Variants in CPED1 observed in about 807,000 individuals in gnomAD.
CPED1 encodes the protein cadherin like and PC-esterase domain containing 1, also known as cadherin-like and PC-esterase domain-containing protein 1.
CPED1 carries 114 observed loss-of-function variants against 128.2 expected under a neutral mutation model. The observed-to-expected ratio is 0.89, with a 90% CI of 0.76 to 1.04. The LOEUF is 1.04. Ranked by LOEUF, CPED1 falls within the 50% of genes least tolerant of loss-of-function variation. The pLI, the probability that CPED1 is intolerant of heterozygous loss-of-function variation, is 0.00. For synonymous variants in CPED1, 462 were observed against 426.7 expected (o/e 1.08, Z -1.02); for missense variants, 1,211 against 1,207.1 (o/e 1.00, Z -0.05).
intron 2 of CPED1, among the ~76,000 whole-genome samples, chr7:121,013,491 C>G (rs143843179): frequency 2.0e-3 from 307 of 152,282 alleles, no homozygotes; most frequent in African/African-American, 7.1e-3. Flanking sequence ...CACAAACTCA[C>G]AAGCAGTTTT....
In CPED1 at chr7:121,153,346, T is replaced by G. The variant is rs192028748; in HGVS notation, c.2055+11205T>G. ...CAAAACTGCTAAACTCTTCCTCACT[T>G]TTTTGAAATCAGATTTCATTCCAAA... On this transcript the variant is annotated intron_variant, in intron 16 of 22. Coordinates refer to ENST00000310396, the MANE Select transcript of CPED1 (RefSeq NM_024913.5). Among the ~76,000 whole-genome samples the G allele has an allele frequency of 3.9e-5, 6 of 152,346 alleles. 1 individual carries two copies. The highest frequency in any genetic ancestry group is 2.1e-4 in the South Asian group (1 of 4,832).
intron 16 of CPED1, among the ~76,000 whole-genome samples, chr7:121,225,920 G>C (rs1255630256): frequency 6.6e-6 from 1 of 151,988 alleles, no homozygotes. Context: ...TGATGGGTTT[G>C]AACATGCTCC....
intron 16 of CPED1, among the ~76,000 whole-genome samples, chr7:121,207,436 C>G (rs1056363029): frequency 2.0e-5 from 3 of 152,002 alleles, no homozygotes; most frequent in African/African-American, 4.8e-5. Flanking sequence ...CATCCCAGTC[C>G]TGTGACTCAG....
In CPED1 at chr7:121,152,354, T is replaced by G. The variant is rs1346884780; in HGVS notation, c.2055+10213T>G. 1.3e-5 allele frequency among the ~76,000 whole-genome samples: 2 copies of G among 152,228 alleles called. 1 individual carries two copies. The highest frequency in any genetic ancestry group is 1.3e-4 in the Admixed American group (2 of 15,272). On this transcript the variant is annotated intron_variant, in intron 16 of 22. Coordinates refer to ENST00000310396, the MANE Select transcript of CPED1 (RefSeq NM_024913.5). ...CTGACAAATTATTTTAAAATTAAAT[T>G]CTTGATAAAGTTAAGAGACCCAGCT...
chr7:121,127,296 G>T, intron 10 of CPED1, 39 bp downstream of exon 10: 1 of 1,308,440 alleles, frequency 7.6e-7, no homozygotes, highest in Non-Finnish European at 1.1e-6. Context: ...ATTTTTTCAA[G>T]TCATTCCTTA....
chr7:121,075,618 A>G (rs1794104612), intron 5 of CPED1, among the ~76,000 whole-genome samples: 1 of 152,072 alleles, frequency 6.6e-6, no homozygotes. Context: ...ATGTGCTGCC[A>G]TGCCCGGCTA....
At position 121,043,586 on chromosome 7, in the gene CPED1, C is replaced by T. The variant is rs193190861; in HGVS notation, c.434-3301C>T. 3.4e-4 allele frequency among the ~76,000 whole-genome samples: 52 copies of T among 152,226 alleles called. No individual in the cohort carries two copies. The Middle Eastern group carries it at 0.014, about 40-fold the overall frequency. On this transcript the variant is annotated intron_variant, in intron 3 of 22. Transcript: ENST00000310396. ...ATGGCCAACTCATGGAAACCTGGAA[C>T]ACTCTATTTTATGCCAGGTCTAGGA...
At chr7:121,060,169 T>G (rs1031480345) in intron 4 of CPED1, among the ~76,000 whole-genome samples, 1 of 152,210 alleles carries the variant, frequency 6.6e-6, no homozygotes, top group African/African-American at 2.4e-5. Flanking sequence ...CCAGTGGCGC[T>G]GTGCTCGATT....
intron 16 of CPED1, among the ~76,000 whole-genome samples, chr7:121,154,761 G>A (rs923756939): frequency 6.6e-6 from 1 of 152,102 alleles, no homozygotes; most frequent in African/African-American, 2.4e-5. Context: ...GGCCAGGATG[G>A]TCTCGATCTC....
chr7:121,010,542 C>A (rs573015536), intron 2 of CPED1, among the ~76,000 whole-genome samples: 1 of 152,312 alleles, frequency 6.6e-6, no homozygotes, highest in South Asian at 2.1e-4. Context: ...AGCCACCACG[C>A]CCTGCAGGAA....
intron 18 of CPED1, among the ~76,000 whole-genome samples, chr7:121,265,628 G>A (rs1792106941): frequency 6.6e-6 from 1 of 152,056 alleles, no homozygotes; most frequent in South Asian, 2.1e-4. Context: ...CATTACACTA[G>A]TGCAGGTTTG....
At chr7:121,126,999 C>A in intron 9 of CPED1, 91 bp from the exon 10 acceptor site, 5 of 973,678 alleles carry the variant, frequency 5.1e-6, no homozygotes, top group South Asian at 1.9e-5. Context: ...ATCTATAATC[C>A]AACAGGAAAT....
At chr7:121,053,302 C>T (rs978244111) in intron 4 of CPED1, among the ~76,000 whole-genome samples, 1 of 152,084 alleles carries the variant, frequency 6.6e-6, no homozygotes, top group African/African-American at 2.4e-5. Flanking sequence ...TACTCTCCTT[C>T]GATCTGATGC....
chr7:121,054,847 C>A (rs946899416), intron 4 of CPED1, among the ~76,000 whole-genome samples: 1 of 152,098 alleles, frequency 6.6e-6, no homozygotes, highest in African/African-American at 2.4e-5. Context: ...GTGATCCCTA[C>A]CCTTAACAGT....
At chr7:121,045,187 C>T (rs1563003802) in intron 3 of CPED1, among the ~76,000 whole-genome samples, 2 of 151,916 alleles carry the variant, frequency 1.3e-5, no homozygotes, top group African/African-American at 4.8e-5. Flanking sequence ...GTAGATCTTA[C>T]AAGCCTAAGG....
intron 16 of CPED1, among the ~76,000 whole-genome samples, chr7:121,185,106 A>G (rs1796974394): frequency 6.6e-6 from 1 of 152,100 alleles, no homozygotes; most frequent in East Asian, 1.9e-4. Context: ...TGTATGGCTC[A>G]GTACTATCCT....
intron 17 of CPED1, among the ~76,000 whole-genome samples, chr7:121,240,504 G>A (rs964686865): frequency 3.3e-5 from 5 of 152,068 alleles, no homozygotes; most frequent in African/African-American, 1.2e-4. Context: ...TGTCAACACA[G>A]GAGCTCGCTA....
At chr7:121,286,475 G>A (rs1480526536) in intron 22 of CPED1, among the ~76,000 whole-genome samples, 1 of 152,152 alleles carries the variant, frequency 6.6e-6, no homozygotes, top group African/African-American at 2.4e-5. Flanking sequence ...ATGTATTACT[G>A]AATCCCTCAG....
chr7:121,244,162 G>T, intron 17 of CPED1, 40 bp from the exon 18 acceptor site: 1 of 1,613,816 alleles, frequency 6.2e-7, no homozygotes. Flanking sequence ...AACTTCACCA[G>T]CAGAAACAGA....
Sources: allele counts gnomAD v4.1 joint callset (sites outside exome capture counted in the v4.1 genomes callset), GRCh38; gene constraint gnomAD v4.1.1; transcripts MANE v1.5; gene names NCBI Gene and HGNC (gene_info 2026-07-23, HGNC 2026-07-21).